The following CMC2 variants were observed in gnomAD, a reference collection of about 807,000 sequenced individuals.
The protein encoded by CMC2 is C-X9-C motif containing 2.
A neutral mutation model predicts 7.5 loss-of-function variants in CMC2; 5 were observed. That is an observed-to-expected ratio of 0.66 (90% CI 0.35 to 1.40). The LOEUF (loss-of-function observed/expected upper bound fraction) is 1.40, where lower values mean the gene tolerates loss of function less well. Among genes scored for constraint, CMC2 ranks in the 40% most tolerant of loss-of-function variants. The probability of loss-of-function intolerance (pLI) is 0.04; values close to 1 mark genes in which losing one functional copy is unlikely to be tolerated. For missense variants in CMC2, 115 were observed against 92.3 expected, an observed-to-expected ratio of 1.25 and a Z score of -1.01; for synonymous variants, 37 against 31.4, an observed-to-expected ratio of 1.18 and a Z score of -0.60.
At position 80,985,302 on chromosome 16, in the gene CMC2, C is replaced by A. The variant is rs187787752; in HGVS notation, c.82-3425G>T. ...TTTTCATCCTCCCACAAGGGTATAG[C>A]GGAGTTTTCCCGGGGCTACATGAAG... On this transcript the variant is annotated intron_variant, in intron 2 of 3. Transcript: ENST00000219400. 2.5e-3 allele frequency among the ~76,000 whole-genome samples: 381 copies of A among 152,224 alleles called. 2 individuals are homozygous for A. The highest frequency in any genetic ancestry group is 5.5e-3 in the Admixed American group (84 of 15,290).
Position 81,006,776 on chromosome 16 carries a change from G to A in CMC2, c.-78C>T, listed in dbSNP as rs1282841275. ...CGGGAGAACTGAAGCGGCAGTAGCC[G>A]GCGGAGACGCCCGACCCGAAGGCCG... On this transcript the variant is annotated 5_prime_UTR_variant, in exon 1 of 4. Transcript: ENST00000219400. 3 of 985,504 alleles carry A rather than the reference G, an allele frequency of 3.0e-6. No individual in the cohort carries two copies. Among genetic ancestry groups the A allele is most frequent in the African/African-American group, 3.5e-5 (2 of 57,216 alleles). 61.0% of individuals were successfully genotyped at this position (985,504 alleles called of 1,614,324 possible).
chr16:80,990,073 C>G (rs1345713262), intron 2 of CMC2, among the ~76,000 whole-genome samples: 2 of 150,206 alleles, frequency 1.3e-5, no homozygotes. Context: ...AGTTTTCTTC[C>G]CAACTCTGCT....
chr16:80,988,530 T>C (rs2151631341), intron 2 of CMC2: 1 of 701,054 alleles, frequency 1.4e-6, no homozygotes, highest in Non-Finnish European at 2.6e-6. Context: ...TTTATCCTTC[T>C]AGCTCTTACA....
At chr16:80,999,065 A>G (rs1327005498) in intron 1 of CMC2, 1 of 152,194 alleles carries the variant, frequency 6.6e-6, no homozygotes, top group Non-Finnish European at 1.5e-5. Flanking sequence ...CACCACTCCT[A>G]TTCAACACAG....
intron 2 of CMC2, among the ~76,000 whole-genome samples, chr16:80,993,861 A>G (rs1201312425): frequency 6.6e-6 from 1 of 152,220 alleles, no homozygotes; most frequent in Non-Finnish European, 1.5e-5. Flanking sequence ...TCTAAAATTA[A>G]TATGGAAATG....
At chr16:81,004,317 G>A (rs1969081949) in intron 1 of CMC2, among the ~76,000 whole-genome samples, 1 of 152,170 alleles carries the variant, frequency 6.6e-6, no homozygotes, top group Non-Finnish European at 1.5e-5. Flanking sequence ...GAAATAGAGA[G>A]GGATAAATTC....
chr16:80,997,518 T>A (rs755045084), intron 1 of CMC2, 89 bp from the exon 2 acceptor site: 2 of 678,152 alleles, frequency 2.9e-6, no homozygotes, highest in South Asian at 3.5e-5. Context: ...GTGACCTTTA[T>A]CAGAGAAGTA....
chr16:81,005,425 AAT>A (rs113325840), intron 1 of CMC2, among the ~76,000 whole-genome samples: 8 of 149,352 alleles, frequency 5.4e-5, no homozygotes, highest in African/African-American at 9.8e-5. Flanking sequence ...ATAAAATTTA[AAT>A]ATATATATAT....
At position 80,972,450 on chromosome 16, in the gene CMC2, C is replaced by T. The variant is rs550987746; in HGVS notation, c.*3643G>A. 8.5e-5 allele frequency: 13 copies of T among 152,224 alleles called. No homozygotes were observed. The highest frequency in any genetic ancestry group is 1.8e-4 in the Non-Finnish European group (12 of 68,022). 9.4% of individuals were successfully genotyped at this position (152,224 alleles called of 1,614,324 possible). A position where few individuals can be genotyped will look rare whatever the true frequency, so the allele number is the denominator to read the frequency against. ...ATGGCATAATTTGGTTCAGCCCAAG[C>T]CCTTTCTATAGAAAACTAATTGTGC... On this transcript the variant is annotated 3_prime_UTR_variant, in exon 4 of 4. Transcript: ENST00000219400.
intron 2 of CMC2, among the ~76,000 whole-genome samples, chr16:80,991,530 A>G (rs968944067): frequency 6.6e-6 from 1 of 151,898 alleles, no homozygotes; most frequent in Non-Finnish European, 1.5e-5. Flanking sequence ...AGTCCCAGCT[A>G]CTCGGGAGGG....
At position 80,986,973 on chromosome 16, in the gene CMC2, A is replaced by G. The variant is rs566070999; in HGVS notation, c.82-5096T>C. Among the ~76,000 whole-genome samples, 67 of 152,358 alleles carry G rather than the reference A, an allele frequency of 4.4e-4. 3 individuals are homozygous for G. In the South Asian group the frequency reaches 0.014, roughly 32 times the overall value. On this transcript the variant is annotated intron_variant, in intron 2 of 3. Coordinates refer to ENST00000219400, the MANE Select transcript of CMC2 (RefSeq NM_020188.5). ...CCTGAAGAGTGGCCAAAAAAACTTA[A>G]GGAAAACCAGGGAAGAGAAAGTTAT... is the stretch of plus-strand genomic sequence containing the variant.
Position 80,966,476 on chromosome 16 carries a change from G to C in CMC2, c.*9617C>G, listed in dbSNP as rs1248312566. 3 of 152,148 alleles carry C rather than the reference G, an allele frequency of 2.0e-5. No individual in the cohort carries two copies. Among genetic ancestry groups the C allele is most frequent in the Non-Finnish European group, 4.4e-5 (3 of 68,020 alleles). 9.4% of individuals were successfully genotyped at this position (152,148 alleles called of 1,614,324 possible). ...TATTTCCAATTCAAATTTAATGCAT[G>C]TTTTGACTTGAATTTTACACTTGTA... On this transcript the variant is annotated 3_prime_UTR_variant, in exon 4 of 4. Transcript: ENST00000219400.
At chr16:80,977,349 T>G (rs911998210) in intron 3 of CMC2, among the ~76,000 whole-genome samples, 1 of 152,306 alleles carries the variant, frequency 6.6e-6, no homozygotes, top group Admixed American at 6.5e-5. Context: ...TTAAAAGTGT[T>G]TTTATATGTA....
At chr16:80,996,583 T>C (rs1597262565) in intron 2 of CMC2, among the ~76,000 whole-genome samples, 1 of 152,238 alleles carries the variant, frequency 6.6e-6, no homozygotes, top group South Asian at 2.1e-4. Flanking sequence ...ACCTTACTTT[T>C]GGTCTATAAA....
intron 2 of CMC2, among the ~76,000 whole-genome samples, chr16:80,988,910 G>A (rs1197631701): frequency 1.3e-5 from 2 of 151,980 alleles, no homozygotes; most frequent in South Asian, 2.1e-4. Flanking sequence ...AAAGAGTACA[G>A]GCCAGTTATT....
chr16:80,988,555 T>G (rs1249636740), intron 2 of CMC2: 1 of 701,900 alleles, frequency 1.4e-6, no homozygotes. Context: ...CACCCGAGCT[T>G]TTCTTCTGAA....
chr16:80,982,380 G>A (rs1298232753), intron 2 of CMC2: 2 of 152,154 alleles, frequency 1.3e-5, no homozygotes, highest in African/African-American at 2.4e-5. Context: ...GTGGTGGTGG[G>A]CGCCTGTAAT....
At position 80,972,242 on chromosome 16, in the gene CMC2, T is replaced by G. The variant is rs774363983; in HGVS notation, c.*3851A>C. 5 of 152,252 alleles carry G rather than the reference T, an allele frequency of 3.3e-5. No individual in the cohort carries two copies. The highest frequency in any genetic ancestry group is 1.2e-4 in the African/African-American group (5 of 41,464). The allele number at this position is 152,252 out of a possible 1,614,324, so 9.4% of individuals were successfully genotyped here. A position where few individuals can be genotyped will look rare whatever the true frequency, so the allele number is the denominator to read the frequency against. ...AGGGATGTCTATGGATTAAGGTAGA[T>G]TCTGGTATAGCTGGTTCCCTGAATA... On this transcript the variant is annotated 3_prime_UTR_variant, in exon 4 of 4. Coordinates refer to ENST00000219400, the MANE Select transcript of CMC2 (RefSeq NM_020188.5).
rs899527845 is a variant in CMC2 at position 80,971,068 on chromosome 16, G to C, written c.*5025C>G. 1 of 152,146 alleles carries C rather than the reference G, an allele frequency of 6.6e-6. No homozygotes were observed. The highest frequency in any genetic ancestry group is 1.5e-5 in the Non-Finnish European group (1 of 68,038). 9.4% of individuals were successfully genotyped at this position (152,146 alleles called of 1,614,324 possible). A position where few individuals can be genotyped will look rare whatever the true frequency, so the allele number is the denominator to read the frequency against. ...GAGAATTGCTTGAAGCCAGGAGGTG[G>C]AAGTTGCAGCGAGCTGAGATCATAC... On this transcript the variant is annotated 3_prime_UTR_variant, in exon 4 of 4. Transcript: ENST00000219400.
Sources: gnomAD v4.1 joint callset for allele counts (sites outside exome capture counted in the v4.1 genomes callset) on GRCh38, gnomAD v4.1.1 for gene constraint, MANE v1.5 for transcripts, NCBI Gene and HGNC (gene_info 2026-07-23, HGNC 2026-07-21) for gene names.